GRAMD1B: variants seen among roughly 807,000 people sequenced by gnomAD.
The protein encoded by GRAMD1B is GRAM domain containing 1B, also known as protein Aster-B.
GRAMD1B carries 37 observed loss-of-function variants against 99.7 expected under a neutral mutation model. The observed-to-expected ratio is 0.37, with a 90% CI of 0.29 to 0.49. The LOEUF (loss-of-function observed/expected upper bound fraction) is 0.49, where lower values mean the gene tolerates loss of function less well. Among genes scored for constraint, GRAMD1B ranks in the 20% least tolerant of loss-of-function variants. The pLI, the probability that GRAMD1B is intolerant of heterozygous loss-of-function variation, is 0.98. For missense variants in GRAMD1B, 888 were observed against 1,009.2 expected (o/e 0.88, Z 1.63); for synonymous variants, 427 against 387.6 (o/e 1.10, Z -1.19).
chr11:123,558,050 C>A (rs1224048395), intron 2 of GRAMD1B, among the ~76,000 whole-genome samples: 2 of 143,038 alleles, frequency 1.4e-5, no homozygotes, highest in African/African-American at 5.1e-5. Flanking sequence ...GTGGTGCGAT[C>A]ATGGCTCACA....
chr11:123,397,241 T>C (rs2135893466), intron 1 of GRAMD1B, among the ~76,000 whole-genome samples: 1 of 151,990 alleles, frequency 6.6e-6, no homozygotes, highest in East Asian at 1.9e-4. Context: ...CCATCTCTAC[T>C]AAAAATACAA....
At chr11:123,389,060 T>C (rs1318130783) in intron 1 of GRAMD1B, among the ~76,000 whole-genome samples, 2 of 151,660 alleles carry the variant, frequency 1.3e-5, no homozygotes, top group African/African-American at 4.9e-5. Context: ...CAAAACCCAC[T>C]GCCACAGTCT....
chr11:123,580,664 G>A (rs1949252248), intron 3 of GRAMD1B, among the ~76,000 whole-genome samples: 3 of 152,220 alleles, frequency 2.0e-5, no homozygotes, highest in African/African-American at 7.2e-5. Flanking sequence ...CCTAGGTGCA[G>A]TCCGGCCCCA....
intron 2 of GRAMD1B, among the ~76,000 whole-genome samples, chr11:123,524,998 T>C (rs1565327634): frequency 6.6e-6 from 1 of 152,184 alleles, no homozygotes; most frequent in Non-Finnish European, 1.5e-5. Context: ...TCTCAGTGAA[T>C]TGTTACTTTC....
At position 123,431,166 on chromosome 11, in the gene GRAMD1B, G is replaced by A. The variant is rs1013672514; in HGVS notation, c.374G>A (p.Ser125Asn). The A allele has an allele frequency of 1.4e-6, 1 of 699,710 alleles. No homozygotes were observed. The highest frequency in any genetic ancestry group is 1.7e-5 in the African/African-American group (1 of 57,232). 43.3% of individuals were successfully genotyped at this position (699,710 alleles called of 1,614,324 possible). ...GAGCGGAAGGAGTGCAGTGAAAGCA[G>A]GTACGTCCCCGTTCCGCCCGTCTCC... Reference protein sequence around the residue: ...VRERKECSESSSQQSSQQSSH... With the variant: ...VRERKECSESNSQQSSQQSSH... Residue 125 changes from serine to asparagine, a missense_variant and splice_region_variant, in exon 1 of 20, where the codon AGC (serine) becomes AAC (asparagine). Coordinates refer to ENST00000635736, the MANE Select transcript of GRAMD1B (RefSeq NM_001387025.1).
At chr11:123,391,792 G>A (rs191259113) in intron 1 of GRAMD1B, among the ~76,000 whole-genome samples, 94 of 152,302 alleles carry the variant, frequency 6.2e-4, no homozygotes, top group Non-Finnish European at 2.8e-4. Flanking sequence ...ATGTGACTAA[G>A]CACTTACAAT....
chr11:123,476,276 T>C lies in GRAMD1B; in HGVS notation c.375-4540T>C, dbSNP rs1370341059. On this transcript the variant is annotated intron_variant, in intron 1 of 19. Transcript: ENST00000635736. ...CCATCACACCTGGCTAATTTTTGTATTTTTAGTAGAGACAGGGTTTCACCA... is the reference window on the plus strand; with the variant it reads ...CCATCACACCTGGCTAATTTTTGTACTTTTAGTAGAGACAGGGTTTCACCA... 7.2e-5 allele frequency among the ~76,000 whole-genome samples: 11 copies of C among 152,236 alleles called. No homozygotes were observed. In the East Asian group the frequency reaches 1.5e-3, roughly 21 times the overall value.
intron 2 of GRAMD1B, among the ~76,000 whole-genome samples, chr11:123,514,871 G>C (rs1941524829): frequency 6.6e-6 from 1 of 152,190 alleles, no homozygotes; most frequent in Admixed American, 6.5e-5. Context: ...CCACTAGACT[G>C]TGAGCTCCTT....
chr11:123,399,248 C>T (rs1947572644), intron 1 of GRAMD1B, among the ~76,000 whole-genome samples: 1 of 152,160 alleles, frequency 6.6e-6, no homozygotes, highest in South Asian at 2.1e-4. Flanking sequence ...TCCATGTTGT[C>T]CCAAGTGATA....
At position 123,495,916 on chromosome 11, in the gene GRAMD1B, G is replaced by A. The variant is rs189185554; in HGVS notation, c.452+15023G>A. ...CTTTATGTCTTATTGTACTTTCTGC[G>A]TCTTGAAAAGTTGCCATAGATATTA... On this transcript the variant is annotated intron_variant, in intron 2 of 19. Coordinates refer to ENST00000635736, the MANE Select transcript of GRAMD1B (RefSeq NM_001387025.1). Among the ~76,000 whole-genome samples, 55 of 152,012 alleles carry A rather than the reference G, an allele frequency of 3.6e-4. No individual in the cohort carries two copies. In the East Asian group the frequency reaches 6.4e-3, roughly 18 times the overall value.
Position 123,443,969 on chromosome 11 carries a change from A to G in GRAMD1B, c.374+12803A>G, listed in dbSNP as rs138932615. Among the ~76,000 whole-genome samples, 428 of 152,304 alleles carry G rather than the reference A, an allele frequency of 2.8e-3. 1 individual carries two copies. The highest frequency in any genetic ancestry group is 9.9e-3 in the African/African-American group (413 of 41,574). On this transcript the variant is annotated intron_variant, in intron 1 of 19. Coordinates refer to ENST00000635736, the MANE Select transcript of GRAMD1B (RefSeq NM_001387025.1). ...ATCAGTAGAAAAGAGTGTCTGGGTTAAGATAAGGGGTTGTGGAGACCAAAG... is the reference window on the plus strand; with the variant it reads ...ATCAGTAGAAAAGAGTGTCTGGGTTGAGATAAGGGGTTGTGGAGACCAAAG...
At chr11:123,453,505 C>T (rs1192067936) in intron 1 of GRAMD1B, among the ~76,000 whole-genome samples, 4 of 151,952 alleles carry the variant, frequency 2.6e-5, no homozygotes, top group Non-Finnish European at 5.9e-5. Context: ...TTAGTAGAGA[C>T]GGGGTTTCGC....
chr11:123,500,182 G>C (rs1021742608), intron 2 of GRAMD1B, among the ~76,000 whole-genome samples: 1 of 152,134 alleles, frequency 6.6e-6, no homozygotes, highest in African/African-American at 2.4e-5. Context: ...TTAGCTGGGC[G>C]TGGTTGTGCA....
At chr11:123,460,585 G>T (rs907347902) in intron 1 of GRAMD1B, among the ~76,000 whole-genome samples, 3 of 152,180 alleles carry the variant, frequency 2.0e-5, no homozygotes, top group Non-Finnish European at 4.4e-5. Context: ...TTTTGGTTAG[G>T]ACTGTTTTTA....
intron 1 of GRAMD1B, among the ~76,000 whole-genome samples, chr11:123,377,029 A>G (rs1436788753): frequency 6.6e-6 from 1 of 152,146 alleles, no homozygotes; most frequent in East Asian, 1.9e-4. Flanking sequence ...TCTCTCTCCC[A>G]TCCATTTTCG....
intron 1 of GRAMD1B, among the ~76,000 whole-genome samples, chr11:123,403,031 C>T (rs142185578): frequency 3.3e-5 from 5 of 151,604 alleles, no homozygotes; most frequent in African/African-American, 1.2e-4. Context: ...GTACACATGA[C>T]ACAGAACTCT....
chr11:123,525,506 T>A (rs912836280), intron 2 of GRAMD1B: 1 of 152,658 alleles, frequency 6.6e-6, no homozygotes, highest in Non-Finnish European at 1.5e-5. Context: ...CTCCTCTTCC[T>A]TCCTGGCACC....
At chr11:123,525,990 TCTTTCTCC>T in intron 2 of GRAMD1B, 1 of 639,132 alleles carries the variant, frequency 1.6e-6, no homozygotes, top group Non-Finnish European at 2.8e-6. Context: ...TTCTTCTGGC[TCTTTCTCC>T]CTTTCTCTCT....
intron 2 of GRAMD1B, among the ~76,000 whole-genome samples, chr11:123,481,687 G>A (rs185071372): frequency 1.6e-4 from 24 of 152,324 alleles, no homozygotes; most frequent in African/African-American, 5.5e-4. Context: ...GGTTGGTTGA[G>A]GATTGGAGAT....
Sources: gnomAD v4.1 joint callset for allele counts (sites outside exome capture counted in the v4.1 genomes callset) on GRCh38, gnomAD v4.1.1 for gene constraint, MANE v1.5 for transcripts, NCBI Gene and HGNC (gene_info 2026-07-23, HGNC 2026-07-21) for gene names.